The following PAM variants were observed in gnomAD, a reference collection of about 807,000 sequenced individuals.
The protein encoded by PAM is peptidylglycine alpha-amidating monooxygenase.
In PAM, 72 loss-of-function variants were observed where a neutral mutation model predicts 122.1. The observed-to-expected ratio is 0.59, with a 90% CI of 0.49 to 0.72. The LOEUF is 0.72. Among genes scored for constraint, PAM ranks in the 30% least tolerant of loss-of-function variants. The pLI, the probability that PAM is intolerant of heterozygous loss-of-function variation, is 0.00. For synonymous variants in PAM, 389 were observed against 404.4 expected (o/e 0.96, Z 0.46); for missense variants, 1,106 against 1,183.7 (o/e 0.93, Z 0.96).
intron 3 of PAM, among the ~76,000 whole-genome samples, chr5:102,899,870 A>T (rs986136464): frequency 1.3e-5 from 2 of 151,680 alleles, no homozygotes; most frequent in African/African-American, 4.8e-5. Context: ...GAGCTGGTCC[A>T]TGTGGCTGGG....
chr5:102,792,114 C>T (rs1164600948), intron 1 of PAM, among the ~76,000 whole-genome samples: 2 of 151,796 alleles, frequency 1.3e-5, no homozygotes, highest in Non-Finnish European at 2.9e-5. Context: ...AGATTAGAGC[C>T]ATTTATTGTT....
intron 1 of PAM, among the ~76,000 whole-genome samples, chr5:102,842,613 T>G (rs1011066625): frequency 6.6e-6 from 1 of 152,202 alleles, no homozygotes; most frequent in African/African-American, 2.4e-5. Flanking sequence ...AGCGTGAGAA[T>G]AGACTAACAC....
chr5:102,784,585 G>C (rs966756854), intron 1 of PAM, among the ~76,000 whole-genome samples: 3 of 152,128 alleles, frequency 2.0e-5, no homozygotes, highest in Non-Finnish European at 4.4e-5. Flanking sequence ...TATCTAACCA[G>C]ATATTCCCAG....
intron 1 of PAM, among the ~76,000 whole-genome samples, chr5:102,851,266 A>C (rs1265022135): frequency 6.6e-6 from 1 of 152,120 alleles, no homozygotes. Flanking sequence ...ATGTATTTTG[A>C]TTATATATTG....
In PAM at chr5:102,974,244, CA is replaced by C. The variant is rs1235994663; in HGVS notation, c.1298del (p.Lys433ArgfsTer32). 2 of 1,613,582 alleles carry C rather than the reference CA, an allele frequency of 1.2e-6. No homozygotes were observed. The highest frequency in any genetic ancestry group is 1.7e-6 in the Non-Finnish European group (2 of 1,179,760). ...GGTAGCTGAGATTGCAAATGTAGTCCAAAAAAAGGATCTTGGTCGATCTGAT... is the reference window on the plus strand; with the variant it reads ...GGTAGCTGAGATTGCAAATGTAGTCCAAAAAAGGATCTTGGTCGATCTGAT... ...DLVAEIANVV[Q>X]KKDLGRSDAR... On this transcript the variant is annotated frameshift_variant, in exon 15 of 26. Transcript: ENST00000438793. LOFTEE classifies it high-confidence loss of function.
intron 1 of PAM, among the ~76,000 whole-genome samples, chr5:102,841,653 G>A (rs34280119): frequency 0.052 from 7,956 of 152,106 alleles, 305 homozygotes; most frequent in South Asian, 0.13. Context: ...ATGAAGAGTT[G>A]CAAAAATATA....
chr5:102,985,118 A>G lies in PAM; in HGVS notation c.1484-5154A>G, dbSNP rs544445775. Among the ~76,000 whole-genome samples, 3 of 152,232 alleles carry G rather than the reference A, an allele frequency of 2.0e-5. No homozygotes were observed. The South Asian group carries it at 6.2e-4, about 32-fold the overall frequency. ...GGGGAGTTTGTAGCAGTAAATACCT[A>G]CATCAAAGAGTAGAAGGATGTCAAA... On this transcript the variant is annotated intron_variant, in intron 15 of 25. Transcript: ENST00000438793.
Position 102,826,807 on chromosome 5 carries a change from A to G in PAM, c.-373-39016A>G, listed in dbSNP as rs983525412. Among the ~76,000 whole-genome samples, 2 of 152,204 alleles carry G rather than the reference A, an allele frequency of 1.3e-5. 1 individual carries two copies. The highest frequency in any genetic ancestry group is 4.1e-4 in the South Asian group (2 of 4,828). ...CCTCTCTCTGTCTGCTAGGTTAGGA[A>G]GTTCAAAGACTTTAACAGGAAGTAT... On this transcript the variant is annotated intron_variant, in intron 1 of 25. Transcript: ENST00000438793.
At chr5:102,817,730 GT>G (rs35587054) in intron 1 of PAM, among the ~76,000 whole-genome samples, 99,054 of 151,570 alleles carry the variant, frequency 0.65, 32,600 homozygotes, top group South Asian at 0.8. Flanking sequence ...TCCAAAACAT[GT>G]TATCAGATCA....
intron 1 of PAM, among the ~76,000 whole-genome samples, chr5:102,849,873 C>T (rs1276598832): frequency 4.6e-5 from 7 of 152,102 alleles, no homozygotes; most frequent in Non-Finnish European, 1.0e-4. Flanking sequence ...AATTGCATCT[C>T]AGGAGCAGGA....
chr5:102,900,461 CCCCT>C (rs1797481749), intron 3 of PAM, among the ~76,000 whole-genome samples: 4 of 151,314 alleles, frequency 2.6e-5, no homozygotes, highest in Admixed American at 2.6e-4. Flanking sequence ...GTACTTGAAC[CCCCT>C]TGTTTTTTAA....
chr5:102,952,766 T>G (rs948535848), intron 12 of PAM, among the ~76,000 whole-genome samples: 1 of 152,166 alleles, frequency 6.6e-6, no homozygotes, highest in Non-Finnish European at 1.5e-5. Context: ...GGATCACAGT[T>G]GAGAATGTGA....
intron 1 of PAM, among the ~76,000 whole-genome samples, chr5:102,843,416 GA>G (rs200172986): frequency 0.017 from 2,621 of 152,110 alleles, 39 homozygotes; most frequent in Non-Finnish European, 0.026. Flanking sequence ...AAACTATAAG[GA>G]AAAAATAGGA....
At chr5:102,989,207 G>T (rs1773201467) in intron 15 of PAM, among the ~76,000 whole-genome samples, 1 of 152,104 alleles carries the variant, frequency 6.6e-6, no homozygotes, top group African/African-American at 2.4e-5. Context: ...TTATAAAAGG[G>T]ATTAACACAA....
At chr5:102,920,515 A>G (rs1747046383) in intron 5 of PAM, among the ~76,000 whole-genome samples, 1 of 152,070 alleles carries the variant, frequency 6.6e-6, no homozygotes, top group African/African-American at 2.4e-5. Flanking sequence ...TCTAATTACT[A>G]TATTAATGTC....
rs149345963 is a variant in PAM at position 102,803,146 on chromosome 5, A to AAAGGAAGGAAGGAAGGAAGG, written c.-374+47841_-374+47860dup. Among the ~76,000 whole-genome samples, 3 of 133,604 alleles carry AAAGGAAGGAAGGAAGGAAGG rather than the reference A, an allele frequency of 2.2e-5. No homozygotes were observed. In the South Asian group the frequency reaches 7.0e-4, roughly 31 times the overall value. The allele number at this position is 133,604 out of a possible 152,430, so 87.6% of individuals were successfully genotyped here. A position where few individuals can be genotyped will look rare whatever the true frequency, so the allele number is the denominator to read the frequency against. On this transcript the variant is annotated intron_variant, in intron 1 of 25. Coordinates refer to ENST00000438793, the MANE Select transcript of PAM (RefSeq NM_001177306.2). ...TCCAAAAAAAAAGAAAGAAAGAAAG[A>AAAGGAAGGAAGGAAGGAAGG]AAGGAAGGAAGGAAGGAAGGAAGGA...
chr5:102,793,114 A>C (rs1762472547), intron 1 of PAM, among the ~76,000 whole-genome samples: 1 of 152,188 alleles, frequency 6.6e-6, no homozygotes, highest in Non-Finnish European at 1.5e-5. Flanking sequence ...TAGGTAAGAT[A>C]CCTTCTCTGA....
chr5:102,859,652 G>T (rs1364215037), intron 1 of PAM, among the ~76,000 whole-genome samples: 1 of 152,114 alleles, frequency 6.6e-6, no homozygotes, highest in Non-Finnish European at 1.5e-5. Context: ...CCTGTACAGT[G>T]TTATAAAGTC....
intron 23 of PAM, among the ~76,000 whole-genome samples, chr5:103,023,145 T>C (rs941096666): frequency 1.3e-5 from 2 of 152,112 alleles, no homozygotes; most frequent in African/African-American, 4.8e-5. Context: ...CTCATTCTCA[T>C]TACTTTCTGT....
Sources: allele counts gnomAD v4.1 joint callset (sites outside exome capture counted in the v4.1 genomes callset), GRCh38; gene constraint gnomAD v4.1.1; transcripts MANE v1.5; gene names NCBI Gene and HGNC (gene_info 2026-07-23, HGNC 2026-07-21).